The following MAP3K4 variants were observed in gnomAD, a reference collection of about 807,000 sequenced individuals.
MAP3K4 encodes the protein MAP three kinase 1.
In MAP3K4, 67 loss-of-function variants were observed where a neutral mutation model predicts 185.6. That is an observed-to-expected ratio of 0.36 (90% CI 0.30 to 0.44). The LOEUF is 0.44. Ranked by LOEUF, MAP3K4 falls within the 20% of genes least tolerant of loss-of-function variation. The pLI is 1.00. For missense variants in MAP3K4, 1,551 were observed against 1,995.1 expected, an observed-to-expected ratio of 0.78 and a Z score of 4.24; for synonymous variants, 702 against 710.4, an observed-to-expected ratio of 0.99 and a Z score of 0.19.
In MAP3K4 at chr6:161,096,209, T is replaced by C. The variant is rs566464662; in HGVS notation, c.3428-871T>C. Among the ~76,000 whole-genome samples the C allele has an allele frequency of 4.6e-5, 7 of 152,324 alleles. No homozygotes were observed. The South Asian group carries it at 1.0e-3, about 23-fold the overall frequency. On this transcript the variant is annotated intron_variant, in intron 15 of 26. Transcript: ENST00000392142. This position sits in a 1 kb window ranked among gnomAD's most constrained non-coding sequence, Gnocchi z 4.9. ...CCATTTTTACTACTTCTGTCTCTCT[T>C]GTTTCCCCTTATTAATAGGAAACAA...
At chr6:160,994,836 G>A (rs888874022) in intron 1 of MAP3K4, among the ~76,000 whole-genome samples, 1 of 152,128 alleles carries the variant, frequency 6.6e-6, no homozygotes, top group Non-Finnish European at 1.5e-5. Flanking sequence ...GGGTAGCTGG[G>A]ATTATAGGTG....
At chr6:161,057,472 G>A (rs1467888122) in intron 3 of MAP3K4, among the ~76,000 whole-genome samples, 4 of 152,134 alleles carry the variant, frequency 2.6e-5, no homozygotes, top group Non-Finnish European at 5.9e-5. Context: ...TATCCTACAT[G>A]GTTTCGAAAC....
chr6:161,073,722 A>C lies in MAP3K4; in HGVS notation c.2097+110A>C. ...CAGCGTTGGCATACATATTCAGATA[A>C]ACTTCTCTAGTAATGAATTATAGAA... On this transcript the variant is annotated intron_variant, in intron 5 of 26. Coordinates refer to ENST00000392142, the MANE Select transcript of MAP3K4 (RefSeq NM_005922.4). This position sits in a 1 kb window ranked among gnomAD's most constrained non-coding sequence, Gnocchi z 4.2. 3 of 1,102,536 alleles carry C rather than the reference A, an allele frequency of 2.7e-6. No homozygotes were observed. 68.3% of individuals were successfully genotyped at this position (1,102,536 alleles called of 1,614,324 possible).
At chr6:161,046,055 A>G (rs1783715722) in intron 2 of MAP3K4, among the ~76,000 whole-genome samples, 1 of 152,200 alleles carries the variant, frequency 6.6e-6, no homozygotes, top group East Asian at 1.9e-4. Flanking sequence ...GTGTTTTTTT[A>G]GTTACCTATA....
At chr6:161,052,439 G>A (rs1286822814) in intron 3 of MAP3K4, among the ~76,000 whole-genome samples, 1 of 152,162 alleles carries the variant, frequency 6.6e-6, no homozygotes, top group African/African-American at 2.4e-5. Context: ...CGAATTCAAA[G>A]TTTATAAGGT....
At chr6:161,025,007 C>T (rs1011021370) in intron 1 of MAP3K4, among the ~76,000 whole-genome samples, 8 of 151,298 alleles carry the variant, frequency 5.3e-5, no homozygotes, top group Admixed American at 5.3e-4. Flanking sequence ...AGCCATCCAT[C>T]CATCCATCCA....
Position 161,109,687 on chromosome 6 carries a change from C to T in MAP3K4, c.4237-68C>T. ...TTGGGGTGTGGCCTAGGAAGTTTTC[C>T]AGATTTTTCACTAGCGTACATCTAA... is the stretch of plus-strand genomic sequence containing the variant. On this transcript the variant is annotated intron_variant, in intron 22 of 26. Coordinates refer to ENST00000392142, the MANE Select transcript of MAP3K4 (RefSeq NM_005922.4). The surrounding 1 kb of genome is among the most constrained non-coding windows in gnomAD (Gnocchi z 5.7). 1 of 1,563,092 alleles carries T rather than the reference C, an allele frequency of 6.4e-7. No individual in the cohort carries two copies. Among genetic ancestry groups the T allele is most frequent in the Non-Finnish European group, 8.8e-7 (1 of 1,138,672 alleles).
In MAP3K4 at chr6:161,075,539, T is replaced by C. The variant is rs1248763318; in HGVS notation, c.2097+1927T>C. The stretch of plus-strand genomic sequence containing the variant: ...ACAAGCAAATTATTATTTTTCTCTC[T>C]TTATGGGTAACTAAACCAGAAGTTT... On this transcript the variant is annotated intron_variant, in intron 5 of 26. Transcript: ENST00000392142. This position sits in a 1 kb window ranked among gnomAD's most constrained non-coding sequence, Gnocchi z 4.3. Among the ~76,000 whole-genome samples, 3 of 152,244 alleles carry C rather than the reference T, an allele frequency of 2.0e-5. No individual in the cohort carries two copies. The highest frequency in any genetic ancestry group is 7.2e-5 in the African/African-American group (3 of 41,454).
At position 161,052,099 on chromosome 6, in the gene MAP3K4, G is replaced by C. The variant is rs1240068533; in HGVS notation, c.1707+2120G>C. ...GTTCTTATAGGAGAGCAGCACATGA[G>C]AAGAGGCCACGGTGGGGCGGGGGTG... On this transcript the variant is annotated intron_variant, in intron 3 of 26. Transcript: ENST00000392142. 3.9e-5 allele frequency among the ~76,000 whole-genome samples: 6 copies of C among 152,164 alleles called. No homozygotes were observed. In the East Asian group the frequency reaches 1.2e-3, roughly 29 times the overall value.
chr6:161,088,087 C>G lies in MAP3K4; in HGVS notation c.2823+133C>G, dbSNP rs1476380595. Reference sequence around the variant, plus strand: ...GTATATACTTCCCAAAAATATGCCTCAATGTGTTAATAGGTCATTTTGCAG... The same window carrying G: ...GTATATACTTCCCAAAAATATGCCTGAATGTGTTAATAGGTCATTTTGCAG... On this transcript the variant is annotated intron_variant, in intron 10 of 26. Coordinates refer to ENST00000392142, the MANE Select transcript of MAP3K4 (RefSeq NM_005922.4). The surrounding 1 kb of genome is among the most constrained non-coding windows in gnomAD (Gnocchi z 4.5). 21 of 827,816 alleles carry G rather than the reference C, an allele frequency of 2.5e-5. No homozygotes were observed. 51.3% of individuals were successfully genotyped at this position (827,816 alleles called of 1,614,324 possible). A position where few individuals can be genotyped will look rare whatever the true frequency, so the allele number is the denominator to read the frequency against.
intron 1 of MAP3K4, among the ~76,000 whole-genome samples, chr6:161,002,388 A>T (rs568157421): frequency 6.6e-6 from 1 of 152,282 alleles, no homozygotes; most frequent in South Asian, 2.1e-4. Flanking sequence ...AAATGAATGA[A>T]ATCTTTTCAC....
At position 161,093,935 on chromosome 6, in the gene MAP3K4, G is replaced by T; in HGVS notation, c.3427+84G>T. ...TCTTGTAATTGCAGTCGTTTAAAAT[G>T]GTATAAGAGGTGTTTTAACAGTATT... On this transcript the variant is annotated intron_variant, in intron 15 of 26. Coordinates refer to ENST00000392142, the MANE Select transcript of MAP3K4 (RefSeq NM_005922.4). The surrounding 1 kb of genome is among the most constrained non-coding windows in gnomAD (Gnocchi z 5.2). 1 of 1,007,562 alleles carries T rather than the reference G, an allele frequency of 9.9e-7. No homozygotes were observed. 62.4% of individuals were successfully genotyped at this position (1,007,562 alleles called of 1,614,324 possible). A position where few individuals can be genotyped will look rare whatever the true frequency, so the allele number is the denominator to read the frequency against.
Position 161,096,917 on chromosome 6 carries a change from C to T in MAP3K4, c.3428-163C>T. 4 of 520,354 alleles carry T rather than the reference C, an allele frequency of 7.7e-6. No individual in the cohort carries two copies. Among genetic ancestry groups the T allele is most frequent in the South Asian group, 3.5e-5 (1 of 28,292 alleles). The allele number at this position is 520,354 out of a possible 1,614,324, so 32.2% of individuals were successfully genotyped here. On this transcript the variant is annotated intron_variant, in intron 15 of 26. Transcript: ENST00000392142. The surrounding 1 kb of genome is among the most constrained non-coding windows in gnomAD (Gnocchi z 4.9). ...CTGACTTTTAAAAAGTGACATTTTC[C>T]ATAATATTTGTATATGTAATATTAT...
chr6:160,998,143 A>T (rs765438672), intron 1 of MAP3K4, among the ~76,000 whole-genome samples: 6 of 152,228 alleles, frequency 3.9e-5, no homozygotes, highest in South Asian at 2.1e-4. Flanking sequence ...AGTAGGTGGT[A>T]CTACAGGTGC....
chr6:161,057,157 CA>C (rs1398023811), intron 3 of MAP3K4, among the ~76,000 whole-genome samples: 1 of 152,068 alleles, frequency 6.6e-6, no homozygotes, highest in Non-Finnish European at 1.5e-5. Context: ...ATTTAATGGC[CA>C]ATGAAATACT....
rs139959034 is a variant in MAP3K4 at position 161,109,702 on chromosome 6, C to T, written c.4237-53C>T. The T allele has an allele frequency of 8.0e-5, 127 of 1,593,986 alleles. No homozygotes were observed. The African/African-American group carries it at 1.4e-3, about 18-fold the overall frequency. On this transcript the variant is annotated intron_variant, in intron 22 of 26. Coordinates refer to ENST00000392142, the MANE Select transcript of MAP3K4 (RefSeq NM_005922.4). The surrounding 1 kb of genome is among the most constrained non-coding windows in gnomAD (Gnocchi z 5.7). ...GGAAGTTTTCCAGATTTTTCACTAG[C>T]GTACATCTAAGGAAAACCGTAAACA...
chr6:161,104,350 G>A (rs1193811550), intron 19 of MAP3K4, among the ~76,000 whole-genome samples: 1 of 149,814 alleles, frequency 6.7e-6, no homozygotes, highest in Non-Finnish European at 1.5e-5. Context: ...GGAGGCAGAG[G>A]TTGCGGTGGG....
chr6:160,995,353 C>T (rs553253272), intron 1 of MAP3K4, among the ~76,000 whole-genome samples: 9 of 152,216 alleles, frequency 5.9e-5, no homozygotes, highest in Non-Finnish European at 1.0e-4. Context: ...TTGTCACATA[C>T]TTTATGTCTG....
At chr6:160,995,477 C>A (rs1780945648) in intron 1 of MAP3K4, among the ~76,000 whole-genome samples, 1 of 152,234 alleles carries the variant, frequency 6.6e-6, no homozygotes, top group African/African-American at 2.4e-5. Flanking sequence ...CAGGTGCAGC[C>A]AGCCCAGCAC....
Sources: allele counts gnomAD v4.1 joint callset (sites outside exome capture counted in the v4.1 genomes callset), GRCh38; gene constraint gnomAD v4.1.1; non-coding constraint Gnocchi (gnomAD v3.1); transcripts MANE v1.5; gene names NCBI Gene and HGNC (gene_info 2026-07-23, HGNC 2026-07-21).